CPEB3: variants seen among roughly 807,000 people sequenced by gnomAD.
The protein encoded by CPEB3 is cytoplasmic polyadenylation element-binding protein 3.
Under a neutral mutation model 67.2 loss-of-function variants are expected in CPEB3, and 20 were observed. That is an observed-to-expected ratio of 0.30 (90% CI 0.21 to 0.43). The LOEUF (loss-of-function observed/expected upper bound fraction) is 0.43, where lower values mean the gene tolerates loss of function less well. Ranked by LOEUF, CPEB3 falls within the 20% of genes least tolerant of loss-of-function variation. The probability of loss-of-function intolerance (pLI) is 1.00; values close to 1 mark genes in which losing one functional copy is unlikely to be tolerated. For synonymous variants in CPEB3, 376 were observed against 393.1 expected, an observed-to-expected ratio of 0.96 and a Z score of 0.51; for missense variants, 746 against 968.6, an observed-to-expected ratio of 0.77 and a Z score of 3.05.
chr10:92,053,127 T>C (rs74149360), intron 9 of CPEB3, among the ~76,000 whole-genome samples: 2,204 of 152,306 alleles, frequency 0.014, 50 homozygotes, highest in African/African-American at 0.049. Context: ...GAAGCTACTA[T>C]AATAATTGGG....
At chr10:92,265,508 G>A (rs1055487382) in intron 1 of CPEB3, among the ~76,000 whole-genome samples, 2 of 152,054 alleles carry the variant, frequency 1.3e-5, no homozygotes, top group South Asian at 4.1e-4. Context: ...TGTAATCCCA[G>A]CACTTTGGGA....
At chr10:92,196,064 G>T (rs1199375075) in intron 2 of CPEB3, among the ~76,000 whole-genome samples, 1 of 152,232 alleles carries the variant, frequency 6.6e-6, no homozygotes, top group Non-Finnish European at 1.5e-5. Flanking sequence ...TCCCAAACCT[G>T]TCAGACTGTC....
chr10:92,099,040 G>A (rs1200789788), intron 7 of CPEB3, among the ~76,000 whole-genome samples: 1 of 149,658 alleles, frequency 6.7e-6, no homozygotes, highest in East Asian at 2.0e-4. Flanking sequence ...CCAAAGTGCT[G>A]GGATTACAGG....
intron 3 of CPEB3, among the ~76,000 whole-genome samples, chr10:92,189,369 T>A (rs1451616435): frequency 6.6e-6 from 1 of 152,232 alleles, no homozygotes; most frequent in Non-Finnish European, 1.5e-5. Flanking sequence ...AAGTCAGTAC[T>A]GTAAGGATAC....
In CPEB3 at chr10:92,239,401, C is replaced by G. The variant is rs1267528487; in HGVS notation, c.950G>C (p.Trp317Ser). The change falls in exon 2 of 10, where the codon TGG becomes TCG. Residue 317 changes from tryptophan to serine, a missense_variant. By Grantham distance (177) the Trp-to-Ser change is radical. Coordinates refer to ENST00000265997, the MANE Select transcript of CPEB3 (RefSeq NM_014912.5). This position sits in a 1 kb window ranked among gnomAD's most constrained non-coding sequence, Gnocchi z 6.0. ...GGTCCGGAAAGCGTTATCCTCCATC[C>G]AGGACTTGGAAGTGAGAGGGGCCGC... ...PRAAPLTSKS[W>S]MEDNAFRTDN... The G allele has an allele frequency of 6.2e-7, 1 of 1,605,524 alleles. No individual in the cohort carries two copies.
intron 7 of CPEB3, among the ~76,000 whole-genome samples, chr10:92,101,510 T>C (rs1373931463): frequency 2.0e-5 from 3 of 152,128 alleles, no homozygotes; most frequent in Non-Finnish European, 1.5e-5. Context: ...AACAGCTCAG[T>C]TGTAGTGGTG....
intron 4 of CPEB3, among the ~76,000 whole-genome samples, chr10:92,173,433 T>C (rs940615790): frequency 4.6e-5 from 7 of 152,132 alleles, no homozygotes; most frequent in African/African-American, 1.4e-4. Flanking sequence ...CCATGTAAAC[T>C]AGGTTTACCA....
intron 2 of CPEB3, among the ~76,000 whole-genome samples, chr10:92,199,525 T>C (rs1020274665): frequency 6.6e-6 from 1 of 150,934 alleles, no homozygotes; most frequent in African/African-American, 2.4e-5. Flanking sequence ...ACCCCGTCTA[T>C]ACTAAAAAAT....
chr10:92,238,703 C>G lies in CPEB3; in HGVS notation c.1005+643G>C, dbSNP rs1030740637. 2.6e-5 allele frequency among the ~76,000 whole-genome samples: 4 copies of G among 152,020 alleles called. No homozygotes were observed. In the East Asian group the frequency reaches 7.7e-4, roughly 29 times the overall value. ...AGAATTTCCACTCTTCCACCTCCTT[C>G]CCTTACACAGTAGTGAGTGTTTATT... On this transcript the variant is annotated intron_variant, in intron 2 of 9. Coordinates refer to ENST00000265997, the MANE Select transcript of CPEB3 (RefSeq NM_014912.5).
chr10:92,234,662 C>T (rs1851440577), intron 2 of CPEB3, among the ~76,000 whole-genome samples: 1 of 152,320 alleles, frequency 6.6e-6, no homozygotes, highest in Admixed American at 6.5e-5. Flanking sequence ...GGCACAGTGG[C>T]TCATGCCTGT....
chr10:92,160,972 C>T (rs906761731), intron 4 of CPEB3, among the ~76,000 whole-genome samples: 5 of 152,188 alleles, frequency 3.3e-5, no homozygotes, highest in Non-Finnish European at 7.4e-5. Flanking sequence ...TCACCGCAAC[C>T]TCTGCCTCAT....
intron 9 of CPEB3, among the ~76,000 whole-genome samples, chr10:92,058,515 C>T (rs943009446): frequency 1.1e-4 from 17 of 151,892 alleles, no homozygotes; most frequent in Admixed American, 2.6e-4. Context: ...TGCCACTGCA[C>T]TCTGGCCTGG....
At chr10:92,230,415 G>A (rs1461245474) in intron 2 of CPEB3, among the ~76,000 whole-genome samples, 1 of 152,130 alleles carries the variant, frequency 6.6e-6, no homozygotes, top group Non-Finnish European at 1.5e-5. Context: ...TATAAAGGCT[G>A]TTTTGTGCCC....
In CPEB3 at chr10:92,048,258, C is replaced by T. The variant is rs1852166318; in HGVS notation, c.*3954G>A. 6 of 152,234 alleles carry T rather than the reference C, an allele frequency of 3.9e-5. No individual in the cohort carries two copies. The highest frequency in any genetic ancestry group is 1.4e-4 in the African/African-American group (6 of 41,418). The allele number at this position is 152,234 out of a possible 1,614,324, so 9.4% of individuals were successfully genotyped here. A position where few individuals can be genotyped will look rare whatever the true frequency, so the allele number is the denominator to read the frequency against. On this transcript the variant is annotated 3_prime_UTR_variant, in exon 10 of 10. Coordinates refer to ENST00000265997, the MANE Select transcript of CPEB3 (RefSeq NM_014912.5). The surrounding 1 kb of genome is among the most constrained non-coding windows in gnomAD (Gnocchi z 4.1). ...CACCACGAAAGCCGTGTCCTCTTAG[C>T]AACTTCCTGTATGACTCCGATATCA...
intron 4 of CPEB3, among the ~76,000 whole-genome samples, chr10:92,167,559 A>C (rs1268247654): frequency 6.6e-6 from 1 of 152,168 alleles, no homozygotes; most frequent in African/African-American, 2.4e-5. Flanking sequence ...AACATTTATC[A>C]ATTAAGTTTG....
chr10:92,080,961 A>G (rs1418001802), intron 9 of CPEB3, among the ~76,000 whole-genome samples: 2 of 152,192 alleles, frequency 1.3e-5, no homozygotes, highest in East Asian at 3.9e-4. Flanking sequence ...TTTAAATGTT[A>G]ATCTAAGTTT....
chr10:92,135,985 G>A (rs758824048), intron 6 of CPEB3, among the ~76,000 whole-genome samples: 5 of 150,876 alleles, frequency 3.3e-5, no homozygotes, highest in East Asian at 2.0e-4. Flanking sequence ...CACAGGGCAG[G>A]GAACATCACA....
intron 4 of CPEB3, among the ~76,000 whole-genome samples, chr10:92,179,799 T>C (rs369720610): frequency 1.3e-5 from 2 of 152,242 alleles, no homozygotes; most frequent in Non-Finnish European, 2.9e-5. Context: ...ATTGGTTGCA[T>C]GTCAGACCAA....
chr10:92,053,917 C>A (rs574588746), intron 9 of CPEB3, among the ~76,000 whole-genome samples: 5 of 151,868 alleles, frequency 3.3e-5, no homozygotes, highest in African/African-American at 1.2e-4. Context: ...AACTCCTGAC[C>A]TCAGGTGATC....
Sources: allele counts gnomAD v4.1 joint callset (sites outside exome capture counted in the v4.1 genomes callset), GRCh38; gene constraint gnomAD v4.1.1; non-coding constraint Gnocchi (gnomAD v3.1); transcripts MANE v1.5; gene names NCBI Gene and HGNC (gene_info 2026-07-23, HGNC 2026-07-21).